Variants in ZAP70 observed in about 807,000 individuals in gnomAD.
ZAP70 encodes zeta chain of T cell receptor associated protein kinase 70.
Under a neutral mutation model 65.8 loss-of-function variants are expected in ZAP70, and 27 were observed. The ratio of observed to expected loss-of-function variants is 0.41; its 90% CI spans 0.30 to 0.57. The LOEUF (loss-of-function observed/expected upper bound fraction) is 0.57, where lower values mean the gene tolerates loss of function less well. ZAP70 is among the 20% of genes least tolerant of loss of function. The pLI is 0.28. For missense variants in ZAP70, 696 were observed against 870.5 expected (o/e 0.80, Z 2.52); for synonymous variants, 363 against 360.8 (o/e 1.01, Z -0.07).
rs537777768 is a variant in ZAP70, at chr2:97,734,909, G to C, written c.1082+197G>C. The stretch of plus-strand genomic sequence containing the variant: ...CCTGACGGGGGTGGGATGGGGCCTG[G>C]GCAGGGGGAGGCTGTGGAGCTGAAG... On this transcript the variant is annotated intron_variant, in intron 9 of 13. Coordinates refer to ENST00000264972, the MANE Select transcript of ZAP70 (RefSeq NM_001079.4). 7.7e-6 allele frequency: 6 copies of C among 775,042 alleles called. No homozygotes were observed. In the East Asian group the frequency reaches 1.3e-4, roughly 17 times the overall value. The allele number at this position is 775,042 out of a possible 1,614,324, so 48.0% of individuals were successfully genotyped here.
chr2:97,753,761 C>T, the ZAP70 span, among the ~76,000 whole-genome samples: 173 of 152,210 alleles, frequency 1.1e-3, 1 homozygote, highest in African/African-American at 3.9e-3. Context: ...CGCTTGCGCT[C>T]AGGAGTTTGA....
At chr2:97,740,783 G>A (rs1038269976), downstream of ZAP70, among the ~76,000 whole-genome samples, 1 of 152,190 alleles carries the variant, frequency 6.6e-6, no homozygotes, top group Non-Finnish European at 1.5e-5. Flanking sequence ...CTAGCAGCAC[G>A]ACCTCAGGCC....
chr2:97,728,505 A>G (rs1169916098), intron 4 of ZAP70, among the ~76,000 whole-genome samples: 1 of 152,256 alleles, frequency 6.6e-6, no homozygotes, highest in African/African-American at 2.4e-5. Context: ...CCTGTAGTCT[A>G]TAACTGCTTT....
At chr2:97,724,545 GT>G (rs1677299620) in intron 3 of ZAP70, 107 bp downstream of exon 3, 10 of 1,531,808 alleles carry the variant, frequency 6.5e-6, no homozygotes, top group Non-Finnish European at 8.7e-6. Flanking sequence ...TCCCCATTCA[GT>G]CCCCTTTGGA....
At chr2:97,721,785 C>CTT (rs1462513008) in intron 2 of ZAP70, among the ~76,000 whole-genome samples, 3 of 141,032 alleles carry the variant, frequency 2.1e-5, no homozygotes, top group Non-Finnish European at 3.1e-5. Flanking sequence ...TTTATTTTAT[C>CTT]TTTTTTTTTT....
Position 97,739,647 on chromosome 2 carries a change from A to G in ZAP70, c.*149A>G. On this transcript the variant is annotated 3_prime_UTR_variant, in exon 14 of 14. Coordinates refer to ENST00000264972, the MANE Select transcript of ZAP70 (RefSeq NM_001079.4). ...GTGTCTCAGGCCACACCGGCCTTGC[A>G]TTGCCTGCCTGGCCCCCTGTCCTCT... The G allele has an allele frequency of 8.0e-7, 1 of 1,254,930 alleles. No individual in the cohort carries two copies. The highest frequency in any genetic ancestry group is 1.1e-6 in the Non-Finnish European group (1 of 914,932). The allele number at this position is 1,254,930 out of a possible 1,614,324, so 77.7% of individuals were successfully genotyped here.
chr2:97,729,733 T>C (rs968960713), intron 4 of ZAP70, among the ~76,000 whole-genome samples: 5 of 152,134 alleles, frequency 3.3e-5, no homozygotes, highest in African/African-American at 1.2e-4. Context: ...TTTTTTTTTT[T>C]TTTTGTAAAT....
In ZAP70 at chr2:97,737,772, A is replaced by C; in HGVS notation, c.1498A>C (p.Lys500Gln). The C allele has an allele frequency of 6.2e-7, 1 of 1,614,102 alleles. No homozygotes were observed. Among genetic ancestry groups the C allele is most frequent in the Non-Finnish European group, 8.5e-7 (1 of 1,179,986 alleles). The change falls in exon 12 of 14, where the codon AAG becomes CAG. Residue 500 changes from lysine (K) to glutamine (Q), a missense_variant. Lys to Gln is a moderately conservative substitution (Grantham distance 53, BLOSUM62 1). This residue lies in a region of ZAP70 where 67 missense variants were observed against 151.9 expected (regional missense o/e 0.44). Transcript: ENST00000264972. The surrounding 1 kb of genome is among the most constrained non-coding windows in gnomAD (Gnocchi z 5.0). ...DSYYTARSAG[K>Q]WPLKWYAPEC... ...CCCTCCCCAGGCCCGCTCAGCAGGGAAGTGGCCGCTCAAGTGGTACGCACC... is the reference window on the plus strand; with the variant it reads ...CCCTCCCCAGGCCCGCTCAGCAGGGCAGTGGCCGCTCAAGTGGTACGCACC...
At position 97,723,173 on chromosome 2, in the gene ZAP70, G is replaced by C. The variant is rs535188762; in HGVS notation, c.-21-843G>C. 4.6e-5 allele frequency among the ~76,000 whole-genome samples: 7 copies of C among 152,336 alleles called. No individual in the cohort carries two copies. The East Asian group carries it at 1.3e-3, about 29-fold the overall frequency. ...CACGTTTTGTTTAATAGCTGTATCA[G>C]AGTTCACTTTGAGATTAAACCCTAA... is the stretch of plus-strand genomic sequence containing the variant. On this transcript the variant is annotated intron_variant, in intron 2 of 13. Transcript: ENST00000264972.
chr2:97,744,023 G>C (rs1308241524), downstream of ZAP70, among the ~76,000 whole-genome samples: 1 of 152,160 alleles, frequency 6.6e-6, no homozygotes, highest in African/African-American at 2.4e-5. Flanking sequence ...GTTTCTATGT[G>C]TACTTGGTCT....
At chr2:97,744,106 G>T (rs1678190707), downstream of ZAP70, among the ~76,000 whole-genome samples, 1 of 152,166 alleles carries the variant, frequency 6.6e-6, no homozygotes, top group Non-Finnish European at 1.5e-5. Flanking sequence ...GTTCAGGGAG[G>T]TGGCCTGACT....
rs1271300670 is a variant in ZAP70, at chr2:97,733,119, C to T, written c.703-6C>T. 1.1e-5 allele frequency: 17 copies of T among 1,613,922 alleles called. No individual in the cohort carries two copies. Among genetic ancestry groups the T allele is most frequent in the Non-Finnish European group, 1.4e-5 (17 of 1,180,032 alleles). ...AGCCTCTCTGCTAGCTGCCTGCTCC[C>T]TGCAGCTGGTGGAGTATCTGAAGCT... On this transcript the variant is annotated splice_region_variant and splice_polypyrimidine_tract_variant and intron_variant, in intron 5 of 13. Coordinates refer to ENST00000264972, the MANE Select transcript of ZAP70 (RefSeq NM_001079.4).
chr2:97,721,586 T>A (rs1677158707), intron 2 of ZAP70, among the ~76,000 whole-genome samples: 1 of 140,592 alleles, frequency 7.1e-6, no homozygotes, highest in African/African-American at 2.7e-5. Flanking sequence ...GCTGATTTTT[T>A]TTTTTTTTTT....
At position 97,737,912 on chromosome 2, in the gene ZAP70, A is replaced by T; in HGVS notation, c.1623+15A>T. On this transcript the variant is annotated intron_variant, in intron 12 of 13. Transcript: ENST00000264972. The surrounding 1 kb of genome is among the most constrained non-coding windows in gnomAD (Gnocchi z 5.0). ...AGCCCTACAAGGCAGGCGCGGGCAG[A>T]GGCAGGTGGGCGGTGTGGTGGGGAG... 1 of 1,614,074 alleles carries T rather than the reference A, an allele frequency of 6.2e-7. No homozygotes were observed. Among genetic ancestry groups the T allele is most frequent in the Non-Finnish European group, 8.5e-7 (1 of 1,179,942 alleles).
intron 4 of ZAP70, among the ~76,000 whole-genome samples, chr2:97,732,464 C>T (rs1677648280): frequency 6.6e-6 from 1 of 152,158 alleles, no homozygotes; most frequent in African/African-American, 2.4e-5. Flanking sequence ...CGAGTGTACC[C>T]CCAATGAGTG....
At chr2:97,734,446 T>C in intron 8 of ZAP70, 74 bp from the exon 9 acceptor site, 1 of 1,516,960 alleles carries the variant, frequency 6.6e-7, no homozygotes, top group Non-Finnish European at 8.8e-7. Flanking sequence ...GGGCAGGTGC[T>C]TGTGGGGGCT....
chr2:97,740,855 G>A (rs1001203388), downstream of ZAP70, among the ~76,000 whole-genome samples: 1 of 152,202 alleles, frequency 6.6e-6, no homozygotes, highest in Non-Finnish European at 1.5e-5. Context: ...ACCAGGTCGT[G>A]GGGGTGACAA....
chr2:97,744,362 C>T (rs948025846), downstream of ZAP70, among the ~76,000 whole-genome samples: 9 of 152,152 alleles, frequency 5.9e-5, no homozygotes, highest in Admixed American at 2.0e-4. Flanking sequence ...CAGATTAGCT[C>T]GGTATAATAT....
At chr2:97,727,832 C>T (rs1283432696) in intron 4 of ZAP70, among the ~76,000 whole-genome samples, 2 of 152,178 alleles carry the variant, frequency 1.3e-5, no homozygotes, top group Non-Finnish European at 2.9e-5. Flanking sequence ...TCCCCACCCC[C>T]ATCTCTCTTC....
Sources: gnomAD v4.1 joint callset for allele counts (sites outside exome capture counted in the v4.1 genomes callset) on GRCh38, gnomAD v4.1.1 for gene constraint, gnomAD v4.1.1 regional missense constraint, Gnocchi (gnomAD v3.1) non-coding constraint, MANE v1.5 for transcripts, NCBI Gene and HGNC (gene_info 2026-07-23, HGNC 2026-07-21) for gene names.